The following TPO variants were observed in gnomAD, a reference collection of about 807,000 sequenced individuals.
TPO encodes thyroid peroxidase.
In TPO, 78 loss-of-function variants were observed where a neutral mutation model predicts 96.9. That is an observed-to-expected ratio of 0.81 (90% CI 0.67 to 0.97). The LOEUF (loss-of-function observed/expected upper bound fraction) is 0.97, where lower values mean the gene tolerates loss of function less well. Ranked by LOEUF, TPO falls within the 50% of genes least tolerant of loss-of-function variation. TPO has a pLI of 0.00. For missense variants in TPO, 1,252 were observed against 1,274.8 expected, an observed-to-expected ratio of 0.98 and a Z score of 0.27; for synonymous variants, 547 against 538.0, an observed-to-expected ratio of 1.02 and a Z score of -0.23.
Position 1,436,241 on chromosome 2 carries a change from A to G in TPO, c.350-11A>G. The G allele has an allele frequency of 1.2e-6, 2 of 1,614,144 alleles. No individual in the cohort carries two copies. The highest frequency in any genetic ancestry group is 1.7e-6 in the Non-Finnish European group (2 of 1,180,046). On this transcript the variant is annotated splice_polypyrimidine_tract_variant and intron_variant, in intron 4 of 16. Coordinates refer to ENST00000329066, the MANE Select transcript of TPO (RefSeq NM_001206744.2). Reference sequence around the variant, plus strand: ...ACAAGCACAGAATTCATGGTTTCCTATTTTTCACAGATGCTTTATCAGAAG... The same window carrying G: ...ACAAGCACAGAATTCATGGTTTCCTGTTTTTCACAGATGCTTTATCAGAAG...
rs1670957669 is a variant in TPO, at chr2:1,484,684, CCGCCAACCCCACTGTGTCCAA to C, written c.1430_1450del (p.Ala477_Asn483del). On this transcript the variant is annotated inframe_deletion, in exon 9 of 17. Coordinates refer to ENST00000329066, the MANE Select transcript of TPO (RefSeq NM_001206744.2). ...GGTCCCTATGAAGGCTATGACTCCA[CCGCCAACCCCACTGTGTCCAA>C]CGTGTTCTCCACAGCCGCCTTCCGC... 1.2e-6 allele frequency: 2 copies of C among 1,614,206 alleles called. No individual in the cohort carries two copies. The highest frequency in any genetic ancestry group is 1.7e-6 in the Non-Finnish European group (2 of 1,180,056).
At chr2:1,391,705 T>C (rs141630936) in intron 1 of TPO, among the ~76,000 whole-genome samples, 37,987 of 152,136 alleles carry the variant, frequency 0.25, 5,778 homozygotes, top group East Asian at 0.41. Flanking sequence ...CAGTAGTTTG[T>C]AGTTCTCCTT....
intron 15 of TPO, among the ~76,000 whole-genome samples, chr2:1,527,969 C>CT (rs1468469948): frequency 6.9e-6 from 1 of 145,386 alleles, no homozygotes; most frequent in African/African-American, 2.6e-5. Context: ...TCAAATACCC[C>CT]ACTGCGTGCA....
intron 15 of TPO, among the ~76,000 whole-genome samples, chr2:1,538,013 C>T (rs1573668648): frequency 2.4e-5 from 2 of 82,758 alleles, no homozygotes; most frequent in Non-Finnish European, 4.5e-5. Context: ...AATCCCTCTA[C>T]TGTGTGCCAC....
At chr2:1,461,601 T>C (rs1038121250) in intron 7 of TPO, among the ~76,000 whole-genome samples, 2 of 152,044 alleles carry the variant, frequency 1.3e-5, no homozygotes, top group Non-Finnish European at 2.9e-5. Flanking sequence ...GGCATAAATA[T>C]ACCCACAGGC....
chr2:1,386,063 C>T (rs1661889177), intron 1 of TPO, among the ~76,000 whole-genome samples: 2 of 152,180 alleles, frequency 1.3e-5, no homozygotes. Flanking sequence ...TTTGATTTCA[C>T]TATGGTCTGA....
intron 14 of TPO, among the ~76,000 whole-genome samples, chr2:1,514,355 A>C (rs1488104335): frequency 6.6e-6 from 1 of 152,212 alleles, no homozygotes; most frequent in Non-Finnish European, 1.5e-5. Flanking sequence ...ATAATGTCTA[A>C]TCTGGGCGCC....
intron 10 of TPO, among the ~76,000 whole-genome samples, chr2:1,492,268 C>A (rs1482616243): frequency 6.6e-6 from 1 of 152,200 alleles, no homozygotes; most frequent in Non-Finnish European, 1.5e-5. Flanking sequence ...AATTCTCCTG[C>A]CCCAGCCTCC....
In TPO at chr2:1,414,568, A is replaced by G. The variant is rs1662692080; in HGVS notation, c.94+66A>G. 2.0e-6 allele frequency: 3 copies of G among 1,466,564 alleles called. No homozygotes were observed. The Admixed American group carries it at 5.4e-5, about 26-fold the overall frequency. The allele number at this position is 1,466,564 out of a possible 1,614,324, so 90.8% of individuals were successfully genotyped here. A position where few individuals can be genotyped will look rare whatever the true frequency, so the allele number is the denominator to read the frequency against. Reference sequence around the variant, plus strand: ...TTATTTTTCACACTTACTAAAATAGAGGGCATAATGGTAGCTCCTGAGAGT... The same window carrying G: ...TTATTTTTCACACTTACTAAAATAGGGGGCATAATGGTAGCTCCTGAGAGT... On this transcript the variant is annotated intron_variant, in intron 2 of 16. Transcript: ENST00000329066.
intron 15 of TPO, among the ~76,000 whole-genome samples, chr2:1,537,128 G>A (rs1305097454): frequency 1.1e-5 from 1 of 91,498 alleles, no homozygotes; most frequent in African/African-American, 5.0e-5. Context: ...CCCCCTATGT[G>A]CAACCTCCGC....
chr2:1,402,589 G>T (rs1662190102), intron 1 of TPO, among the ~76,000 whole-genome samples: 1 of 152,158 alleles, frequency 6.6e-6, no homozygotes, highest in African/African-American at 2.4e-5. Flanking sequence ...GGCTGGGGAG[G>T]CCTCACAATC....
intron 16 of TPO, 54 bp downstream of exon 16, chr2:1,540,777 A>T: frequency 6.2e-7 from 1 of 1,613,030 alleles, no homozygotes; most frequent in Non-Finnish European, 8.5e-7. Flanking sequence ...GTTGGACAGG[A>T]TCTGGGTGTC....
upstream of TPO, among the ~76,000 whole-genome samples, chr2:1,409,790 G>GCA (rs200523916): frequency 0.014 from 1,505 of 104,864 alleles, 29 homozygotes; most frequent in African/African-American, 0.052. Context: ...AAAAAACAGT[G>GCA]CGCGCACACA....
intron 1 of TPO, 116 bp from the exon 2 acceptor site, chr2:1,414,292 T>TAG: frequency 1.0e-6 from 1 of 991,032 alleles, no homozygotes; most frequent in South Asian, 1.4e-5. Flanking sequence ...CTCACTGCGG[T>TAG]AGAGGCTGCG....
intron 2 of TPO, among the ~76,000 whole-genome samples, chr2:1,416,261 C>A (rs1317505720): frequency 2.6e-5 from 4 of 152,184 alleles, no homozygotes; most frequent in African/African-American, 9.7e-5. Flanking sequence ...GTCACTCTAT[C>A]ACCTGGAACA....
At chr2:1,421,869 C>A (rs113115588) in intron 2 of TPO, among the ~76,000 whole-genome samples, 1,532 of 152,328 alleles carry the variant, frequency 0.01, 33 homozygotes, top group African/African-American at 0.035. Context: ...GCACTGTCCC[C>A]AGCACGCACA....
intron 7 of TPO, among the ~76,000 whole-genome samples, chr2:1,474,288 A>G (rs1431134981): frequency 2.0e-5 from 3 of 152,302 alleles, no homozygotes; most frequent in Middle Eastern, 3.4e-3. Context: ...ATACAACTCT[A>G]TTCTCCAACA....
At chr2:1,541,021 G>GGAGAGGAAGGAGAAGCTGAA in intron 16 of TPO, 1 of 1,347,818 alleles carries the variant, frequency 7.4e-7, no homozygotes, top group Admixed American at 3.0e-5. Flanking sequence ...TGGAAGCACA[G>GGAGAGGAAGGAGAAGCTGAA]GAGAGGAAGG....
intron 1 of TPO, among the ~76,000 whole-genome samples, chr2:1,390,610 C>A (rs1273368511): frequency 6.6e-6 from 1 of 152,206 alleles, no homozygotes; most frequent in Non-Finnish European, 1.5e-5. Context: ...GCCACACTGT[C>A]TTCCACAATG....
Sources: gnomAD v4.1 joint callset for allele counts (sites outside exome capture counted in the v4.1 genomes callset) on GRCh38, gnomAD v4.1.1 for gene constraint, MANE v1.5 for transcripts, NCBI Gene and HGNC (gene_info 2026-07-23, HGNC 2026-07-21) for gene names.